The following KCNQ3 variants were observed in gnomAD, a reference collection of about 807,000 sequenced individuals.
The protein encoded by KCNQ3 is potassium voltage-gated channel subfamily KQT member 3.
Under a neutral mutation model 92.5 loss-of-function variants are expected in KCNQ3, and 30 were observed. The ratio of observed to expected loss-of-function variants is 0.32; its 90% CI spans 0.24 to 0.44. The LOEUF is 0.44. KCNQ3 is among the 20% of genes least tolerant of loss of function. The pLI is 1.00. For missense variants in KCNQ3, 913 were observed against 1,140.3 expected, an observed-to-expected ratio of 0.80 and a Z score of 2.87; for synonymous variants, 450 against 468.8, an observed-to-expected ratio of 0.96 and a Z score of 0.52.
intron 1 of KCNQ3, among the ~76,000 whole-genome samples, chr8:132,344,282 C>A (rs1818617246): frequency 6.6e-6 from 1 of 152,340 alleles, no homozygotes; most frequent in South Asian, 2.1e-4. Flanking sequence ...CATTTAACAT[C>A]TTTCCCAGTG....
intron 1 of KCNQ3, among the ~76,000 whole-genome samples, chr8:132,252,142 C>G (rs1307317579): frequency 1.3e-5 from 2 of 152,300 alleles, no homozygotes; most frequent in African/African-American, 4.8e-5. Context: ...TCAGCACACT[C>G]TTATTGGACA....
chr8:132,375,939 T>G (rs1417775491), intron 1 of KCNQ3, among the ~76,000 whole-genome samples: 1 of 152,194 alleles, frequency 6.6e-6, no homozygotes, highest in East Asian at 1.9e-4. Context: ...ATTATTCAGG[T>G]TAGAAATCTG....
chr8:132,267,505 C>G (rs1166475045), intron 1 of KCNQ3, among the ~76,000 whole-genome samples: 1 of 152,152 alleles, frequency 6.6e-6, no homozygotes, highest in Non-Finnish European at 1.5e-5. Flanking sequence ...ACAAGTCACT[C>G]TCATAATCAA....
At position 132,126,840 on chromosome 8, in the gene KCNQ3, G is replaced by A. The variant is rs1824686411; in HGVS notation, c.*2422C>T. The stretch of plus-strand genomic sequence containing the variant: ...AAATACTTTAAGGTAGAACTCCATT[G>A]AGTTGCTGGAAAATGCATCATCTAT... On this transcript the variant is annotated 3_prime_UTR_variant, in exon 15 of 15. Coordinates refer to ENST00000388996, the MANE Select transcript of KCNQ3 (RefSeq NM_004519.4). The A allele has an allele frequency of 6.6e-6, 1 of 152,156 alleles. No individual in the cohort carries two copies. Among genetic ancestry groups the A allele is most frequent in the Admixed American group, 6.5e-5 (1 of 15,284 alleles). 9.4% of individuals were successfully genotyped at this position (152,156 alleles called of 1,614,324 possible).
At chr8:132,293,454 C>T (rs957728950) in intron 1 of KCNQ3, among the ~76,000 whole-genome samples, 1 of 152,100 alleles carries the variant, frequency 6.6e-6, no homozygotes, top group Non-Finnish European at 1.5e-5. Context: ...AACCCCCATA[C>T]CTTTGGTCAC....
intron 11 of KCNQ3, among the ~76,000 whole-genome samples, chr8:132,138,988 T>C (rs1025047095): frequency 4.6e-5 from 7 of 152,232 alleles, no homozygotes; most frequent in Non-Finnish European, 8.8e-5. Flanking sequence ...GCTCACTGCC[T>C]GATTTTGATA....
intron 1 of KCNQ3, among the ~76,000 whole-genome samples, chr8:132,381,417 T>C (rs1443465054): frequency 6.6e-6 from 1 of 152,198 alleles, no homozygotes; most frequent in African/African-American, 2.4e-5. Context: ...AGATTTCCAC[T>C]AAGAAACGAC....
At chr8:132,420,624 C>T (rs986764595) in intron 1 of KCNQ3, among the ~76,000 whole-genome samples, 4 of 152,160 alleles carry the variant, frequency 2.6e-5, no homozygotes, top group Non-Finnish European at 5.9e-5. Flanking sequence ...AACAGACTCA[C>T]GGAGGGAAGA....
chr8:132,431,843 C>T (rs1408264537), intron 1 of KCNQ3, among the ~76,000 whole-genome samples: 2 of 152,190 alleles, frequency 1.3e-5, no homozygotes, highest in African/African-American at 4.8e-5. Context: ...CTTAGGCCAG[C>T]CCTGTGCTCC....
At chr8:132,208,040 C>A (rs1813724091) in intron 1 of KCNQ3, among the ~76,000 whole-genome samples, 1 of 151,778 alleles carries the variant, frequency 6.6e-6, no homozygotes, top group South Asian at 2.1e-4. Flanking sequence ...TTGTTGTAGA[C>A]ATTTCCTTCC....
At chr8:132,420,878 C>A (rs1820947689) in intron 1 of KCNQ3, among the ~76,000 whole-genome samples, 1 of 152,094 alleles carries the variant, frequency 6.6e-6, no homozygotes, top group South Asian at 2.1e-4. Flanking sequence ...CTCGGTCACT[C>A]CAGCTCCCAG....
intron 6 of KCNQ3, among the ~76,000 whole-genome samples, chr8:132,174,001 G>A (rs1013627736): frequency 3.3e-5 from 5 of 152,190 alleles, no homozygotes; most frequent in South Asian, 2.1e-4. Context: ...TGCCCAGAGC[G>A]ACTAGCTCAG....
chr8:132,401,123 C>T (rs1285585056), intron 1 of KCNQ3, among the ~76,000 whole-genome samples: 2 of 152,110 alleles, frequency 1.3e-5, no homozygotes, highest in Admixed American at 1.3e-4. Flanking sequence ...ACATATGAAC[C>T]CCTGCCTCAG....
chr8:132,405,149 C>T (rs927093796), intron 1 of KCNQ3, among the ~76,000 whole-genome samples: 4 of 152,188 alleles, frequency 2.6e-5, no homozygotes, highest in African/African-American at 9.7e-5. Context: ...AAAAGTTTGC[C>T]ACTGAGCTGC....
At chr8:132,330,242 C>A (rs1048539699) in intron 1 of KCNQ3, among the ~76,000 whole-genome samples, 2 of 152,184 alleles carry the variant, frequency 1.3e-5, no homozygotes, top group Middle Eastern at 3.2e-3. Context: ...TCCCATAGAG[C>A]TCCCAGAGTG....
At chr8:132,338,595 G>A (rs1421784717) in intron 1 of KCNQ3, among the ~76,000 whole-genome samples, 1 of 152,156 alleles carries the variant, frequency 6.6e-6, no homozygotes, top group Admixed American at 6.5e-5. Flanking sequence ...GTTTGACCGT[G>A]GTGTTCAGAG....
chr8:132,179,840 C>T (rs962576225), intron 4 of KCNQ3, among the ~76,000 whole-genome samples: 3 of 152,104 alleles, frequency 2.0e-5, no homozygotes, highest in African/African-American at 4.8e-5. Flanking sequence ...AAGGAATAGG[C>T]ATTATCATTC....
intron 1 of KCNQ3, among the ~76,000 whole-genome samples, chr8:132,220,753 A>G (rs1305651537): frequency 6.6e-6 from 1 of 151,938 alleles, no homozygotes; most frequent in African/African-American, 2.4e-5. Context: ...ATAAATATAT[A>G]CATAAATACA....
chr8:132,321,508 C>T (rs1460515128), intron 1 of KCNQ3: 1 of 152,690 alleles, frequency 6.5e-6, no homozygotes, highest in African/African-American at 2.4e-5. Flanking sequence ...CACCATGGCC[C>T]TCCTGCTTCT....
Sources: allele counts gnomAD v4.1 joint callset (sites outside exome capture counted in the v4.1 genomes callset), GRCh38; gene constraint gnomAD v4.1.1; transcripts MANE v1.5; gene names NCBI Gene and HGNC (gene_info 2026-07-23, HGNC 2026-07-21).